STX8: variants seen among roughly 807,000 people sequenced by gnomAD.
The protein encoded by STX8 is syntaxin 8.
A neutral mutation model predicts 37.5 loss-of-function variants in STX8; 23 were observed. The observed-to-expected ratio is 0.61, with a 90% CI of 0.44 to 0.87. The LOEUF (loss-of-function observed/expected upper bound fraction) is 0.87, where lower values mean the gene tolerates loss of function less well. Ranked by LOEUF, STX8 falls within the 40% of genes least tolerant of loss-of-function variation. STX8 has a pLI of 0.00. For synonymous variants in STX8, 115 were observed against 99.1 expected, an observed-to-expected ratio of 1.16 and a Z score of -0.95; for missense variants, 313 against 284.7, an observed-to-expected ratio of 1.10 and a Z score of -0.71.
intron 6 of STX8, among the ~76,000 whole-genome samples, chr17:9,489,794 T>C (rs1906772079): frequency 6.7e-6 from 1 of 149,750 alleles, no homozygotes; most frequent in Non-Finnish European, 1.5e-5. Context: ...GTTGAAGCGA[T>C]TCTCCTGCCT....
chr17:9,521,186 A>G (rs549619266), intron 4 of STX8, among the ~76,000 whole-genome samples: 2 of 152,326 alleles, frequency 1.3e-5, no homozygotes, highest in Admixed American at 1.3e-4. Flanking sequence ...GATTACACGG[A>G]AGAGAGGCTG....
intron 4 of STX8, 86 bp from the exon 5 acceptor site, chr17:9,505,248 C>T: frequency 2.7e-6 from 4 of 1,471,202 alleles, no homozygotes; most frequent in Non-Finnish European, 9.1e-7. Flanking sequence ...GGTGGCCAGC[C>T]TTGAATGCTT....
intron 6 of STX8, among the ~76,000 whole-genome samples, chr17:9,441,802 A>T (rs1767231084): frequency 6.6e-6 from 1 of 151,116 alleles, no homozygotes; most frequent in Non-Finnish European, 1.5e-5. Context: ...CAGCCTCCCA[A>T]GTAGCTGGGA....
chr17:9,299,298 A>G (rs992795559), intron 7 of STX8, among the ~76,000 whole-genome samples: 1 of 152,012 alleles, frequency 6.6e-6, no homozygotes, highest in African/African-American at 2.4e-5. Context: ...TTAATTCCCA[A>G]TCTATGCTAT....
intron 6 of STX8, among the ~76,000 whole-genome samples, chr17:9,393,549 G>A (rs1390207000): frequency 6.6e-6 from 1 of 152,146 alleles, no homozygotes; most frequent in African/African-American, 2.4e-5. Flanking sequence ...ATAGAGCAGG[G>A]TAGGCAAATG....
intron 7 of STX8, among the ~76,000 whole-genome samples, chr17:9,360,328 G>A (rs184811155): frequency 3.5e-4 from 51 of 146,176 alleles, no homozygotes; most frequent in African/African-American, 1.2e-3. Flanking sequence ...TCTGCCTCCC[G>A]GGTTCAAGCG....
intron 6 of STX8, among the ~76,000 whole-genome samples, chr17:9,429,775 CAT>C (rs1297925139): frequency 2.1e-4 from 2 of 9,708 alleles, no homozygotes; most frequent in South Asian, 1.9e-3. Flanking sequence ...TTATATATAA[CAT>C]ATATATTTTA....
chr17:9,289,560 T>C (rs1032643060), intron 7 of STX8, among the ~76,000 whole-genome samples: 12 of 150,210 alleles, frequency 8.0e-5, no homozygotes, highest in Non-Finnish European at 1.3e-4. Context: ...AGAATTATAA[T>C]AGACAAAGGG....
rs1485526813 is a variant in STX8, at chr17:9,374,562, C to G, written c.643+3990G>C. 3.9e-5 allele frequency among the ~76,000 whole-genome samples: 6 copies of G among 152,254 alleles called. No individual in the cohort carries two copies. The East Asian group carries it at 1.2e-3, about 29-fold the overall frequency. ...CCCGTACAGCTTTAGAGACCACATG[C>G]TGACCTTCATCGACATGCAAAAACT... On this transcript the variant is annotated intron_variant, in intron 7 of 7. Coordinates refer to ENST00000306357, the MANE Select transcript of STX8 (RefSeq NM_004853.3).
At chr17:9,395,373 G>A (rs570718945) in intron 6 of STX8, among the ~76,000 whole-genome samples, 22 of 152,044 alleles carry the variant, frequency 1.4e-4, no homozygotes, top group African/African-American at 4.3e-4. Flanking sequence ...AAGCTGAGGC[G>A]GGCACATCAA....
chr17:9,261,614 C>A (rs1907042981), intron 7 of STX8, among the ~76,000 whole-genome samples: 1 of 152,182 alleles, frequency 6.6e-6, no homozygotes. Context: ...TAGGCCCCAT[C>A]TGTGTTCTTA....
At chr17:9,468,206 T>C (rs1011644611) in intron 6 of STX8, among the ~76,000 whole-genome samples, 2 of 151,884 alleles carry the variant, frequency 1.3e-5, no homozygotes, top group African/African-American at 4.8e-5. Context: ...GCCTCACGGG[T>C]TCAAGCAATT....
At chr17:9,567,068 T>C (rs767102388) in intron 2 of STX8, among the ~76,000 whole-genome samples, 5 of 152,212 alleles carry the variant, frequency 3.3e-5, no homozygotes, top group Non-Finnish European at 7.3e-5. Flanking sequence ...AGGTTGTTTG[T>C]TCACTCTGTT....
intron 7 of STX8, among the ~76,000 whole-genome samples, chr17:9,327,261 G>A (rs1015418536): frequency 2.7e-5 from 4 of 149,830 alleles, no homozygotes; most frequent in African/African-American, 9.9e-5. Context: ...GGAGGAAGGA[G>A]GAGGAGGAAG....
At chr17:9,525,508 A>G (rs1221314031) in intron 4 of STX8, among the ~76,000 whole-genome samples, 1 of 151,538 alleles carries the variant, frequency 6.6e-6, no homozygotes, top group Admixed American at 6.6e-5. Context: ...CACCACACCC[A>G]GCTAATTTTT....
intron 7 of STX8, among the ~76,000 whole-genome samples, chr17:9,376,262 C>A (rs893220216): frequency 6.6e-6 from 1 of 151,120 alleles, no homozygotes; most frequent in African/African-American, 2.4e-5. Flanking sequence ...AAAAATGCCC[C>A]AATCAGCGCT....
chr17:9,293,208 C>A (rs960909508), intron 7 of STX8, among the ~76,000 whole-genome samples: 6 of 152,178 alleles, frequency 3.9e-5, no homozygotes, highest in Non-Finnish European at 8.8e-5. Flanking sequence ...TGCTATAATT[C>A]ATTTCACCCT....
intron 6 of STX8, chr17:9,467,299 T>C (rs527786191): frequency 6.2e-4 from 95 of 152,252 alleles, no homozygotes; most frequent in African/African-American, 2.3e-3. Flanking sequence ...AGTTAAGTAA[T>C]TTGCCAAATC....
chr17:9,412,678 C>T (rs956162953), intron 6 of STX8, among the ~76,000 whole-genome samples: 21 of 152,170 alleles, frequency 1.4e-4, no homozygotes, highest in African/African-American at 4.8e-4. Context: ...CCAGGCTCTC[C>T]ATCCTATGCC....
Sources: gnomAD v4.1 joint callset for allele counts (sites outside exome capture counted in the v4.1 genomes callset) on GRCh38, gnomAD v4.1.1 for gene constraint, MANE v1.5 for transcripts, NCBI Gene and HGNC (gene_info 2026-07-23, HGNC 2026-07-21) for gene names.